The following SERPING1 variants were observed in gnomAD, a reference collection of about 807,000 sequenced individuals.
SERPING1 encodes the protein plasma protease C1 inhibitor.
Under a neutral mutation model 34.1 loss-of-function variants are expected in SERPING1, and 5 were observed. The observed-to-expected ratio is 0.15, with a 90% confidence interval of 0.08 to 0.31. The LOEUF (loss-of-function observed/expected upper bound fraction) is 0.31, where lower values mean the gene tolerates loss of function less well. SERPING1 is among the 10% of genes least tolerant of loss of function. The probability of loss-of-function intolerance (pLI) is 1.00; values close to 1 mark genes in which losing one functional copy is unlikely to be tolerated. For synonymous variants in SERPING1, 225 were observed against 242.4 expected (o/e 0.93, Z 0.67); for missense variants, 505 against 609.5 (o/e 0.83, Z 1.81).
chr11:57,613,157 A>G (rs1187053202), intron 7 of SERPING1, among the ~76,000 whole-genome samples: 1 of 152,200 alleles, frequency 6.6e-6, no homozygotes, highest in Non-Finnish European at 1.5e-5. Context: ...TCTGTATAGG[A>G]AGAAAACCTC....
At chr11:57,603,976 CCT>C (rs1417889375) in intron 4 of SERPING1, among the ~76,000 whole-genome samples, 1 of 151,778 alleles carries the variant, frequency 6.6e-6, no homozygotes, top group Non-Finnish European at 1.5e-5. Context: ...ACCAGGAAAC[CCT>C]GTCTCTGTTA....
rs199535027 is a variant in SERPING1 at position 57,605,969 on chromosome 11, G to A, written c.686-41G>A. 5.1e-6 allele frequency: 8 copies of A among 1,557,504 alleles called. No individual in the cohort carries two copies. The East Asian group carries it at 6.7e-5, about 13-fold the overall frequency. On this transcript the variant is annotated intron_variant, in intron 4 of 7. Transcript: ENST00000278407. ...AAATCGTGCTCATGGAAAGAACGACGTGTTCAGGACTCATGCCTCCCTTTC... is the reference window on the plus strand; with the variant it reads ...AAATCGTGCTCATGGAAAGAACGACATGTTCAGGACTCATGCCTCCCTTTC...
At chr11:57,607,678 G>A (rs750759482) in intron 6 of SERPING1, among the ~76,000 whole-genome samples, 12 of 151,890 alleles carry the variant, frequency 7.9e-5, no homozygotes, top group Non-Finnish European at 1.2e-4. Context: ...GGTTTTTTTC[G>A]AGACAGGGTC....
rs922149386 is a variant in SERPING1 at position 57,614,558 on chromosome 11, C to T, written c.1480C>T (p.Arg494Ter). Reference sequence around the variant, plus strand: ...GCACAAGTTCCCTGTCTTCATGGGGCGAGTATATGACCCCAGGGCCTGAGA... The same window carrying T: ...GCACAAGTTCCCTGTCTTCATGGGGTGAGTATATGACCCCAGGGCCTGAGA... ...QQHKFPVFMG[R>*]VYDPRA The change falls in exon 8 of 8, where the codon CGA becomes TGA. Residue 494 changes from arginine to a stop codon, truncating the protein, a stop_gained. Transcript: ENST00000278407. LOFTEE classifies it high-confidence loss of function. The T allele has an allele frequency of 6.2e-7, 1 of 1,613,940 alleles. No homozygotes were observed. The highest frequency in any genetic ancestry group is 8.5e-7 in the Non-Finnish European group (1 of 1,180,002).
chr11:57,607,845 A>T (rs1325740239), intron 6 of SERPING1, among the ~76,000 whole-genome samples: 2 of 152,180 alleles, frequency 1.3e-5, no homozygotes, highest in Non-Finnish European at 2.9e-5. Context: ...TTTTTAGTAG[A>T]GACGGGGTTT....
Position 57,599,984 on chromosome 11 carries a change from A to C in SERPING1, c.157A>C (p.Met53Leu). 6.2e-7 allele frequency: 1 copy of C among 1,614,166 alleles called. No individual in the cohort carries two copies. The highest frequency in any genetic ancestry group is 8.5e-7 in the Non-Finnish European group (1 of 1,180,030). Residue 53 changes from methionine to leucine, a missense_variant, in exon 3 of 8, where the codon ATG (methionine) becomes CTG (leucine). Physicochemically the swap from Met to Leu is conservative, Grantham distance 15. Transcript: ENST00000278407. ...GKVATTVISKMLFVEPILEVS... is the reference protein window; with the variant it reads ...GKVATTVISKLLFVEPILEVS... ...GGTCGCAACAACAGTTATCTCCAAG[A>C]TGCTATTCGTTGAACCCATCCTGGA...
chr11:57,605,775 G>C (rs1945401921), intron 4 of SERPING1: 2 of 589,180 alleles, frequency 3.4e-6, no homozygotes. Context: ...TAGTCACATA[G>C]CAAGCTGAGG....
intron 6 of SERPING1, among the ~76,000 whole-genome samples, chr11:57,608,922 C>G (rs1274711178): frequency 6.6e-6 from 1 of 151,334 alleles, no homozygotes; most frequent in African/African-American, 2.4e-5. Context: ...AATGTACTAA[C>G]AAATGCAAAA....
At chr11:57,608,821 T>C (rs996486531) in intron 6 of SERPING1, among the ~76,000 whole-genome samples, 5 of 151,834 alleles carry the variant, frequency 3.3e-5, no homozygotes, top group Non-Finnish European at 5.9e-5. Context: ...CCTGAGTTTT[T>C]TTTTTTTTTT....
chr11:57,606,910 C>T, intron 6 of SERPING1: 1 of 507,642 alleles, frequency 2.0e-6, no homozygotes, highest in Admixed American at 2.4e-5. Context: ...GTACAGCATA[C>T]ATATACATGT....
chr11:57,598,848 A>G (rs1410027811), intron 2 of SERPING1, among the ~76,000 whole-genome samples: 1 of 152,072 alleles, frequency 6.6e-6, no homozygotes, highest in African/African-American at 2.4e-5. Flanking sequence ...GAGAGGTCCC[A>G]GTGGTCTGGG....
At chr11:57,603,340 G>A (rs1438066519) in intron 4 of SERPING1, among the ~76,000 whole-genome samples, 3 of 150,368 alleles carry the variant, frequency 2.0e-5, no homozygotes, top group South Asian at 2.1e-4. Flanking sequence ...TCAGGAGTTC[G>A]AGACCAGTCT....
chr11:57,601,177 G>A (rs1216594636), intron 3 of SERPING1, among the ~76,000 whole-genome samples: 1 of 151,798 alleles, frequency 6.6e-6, no homozygotes, highest in Non-Finnish European at 1.5e-5. Flanking sequence ...GAGGCGGGCA[G>A]ATCACGAGGT....
chr11:57,614,201 G>A lies in SERPING1; in HGVS notation c.1250-127G>A, dbSNP rs1322497405. 9 of 1,245,388 alleles carry A rather than the reference G, an allele frequency of 7.2e-6. No homozygotes were observed. In the Admixed American group the frequency reaches 1.4e-4, roughly 19 times the overall value. 77.1% of individuals were successfully genotyped at this position (1,245,388 alleles called of 1,614,324 possible). ...GCCAGAGGGTACAGTATGTAATCTG[G>A]CAAACAAGGGAAGAGGAAGAGAGCA... On this transcript the variant is annotated intron_variant, in intron 7 of 7. Transcript: ENST00000278407.
At chr11:57,609,511 C>T (rs1193246301) in intron 6 of SERPING1, among the ~76,000 whole-genome samples, 1 of 151,572 alleles carries the variant, frequency 6.6e-6, no homozygotes, top group Non-Finnish European at 1.5e-5. Flanking sequence ...ACCCGGGAGG[C>T]GAAGGTTGCA....
chr11:57,603,225 C>T (rs187704923), intron 4 of SERPING1, among the ~76,000 whole-genome samples: 122 of 149,308 alleles, frequency 8.2e-4, no homozygotes, highest in African/African-American at 2.1e-3. Context: ...AACAGCAAAA[C>T]TCTGTCTCAA....
chr11:57,604,176 ATATAGGGC>A (rs1265684023), intron 4 of SERPING1, among the ~76,000 whole-genome samples: 9 of 151,878 alleles, frequency 5.9e-5, no homozygotes, highest in Non-Finnish European at 1.2e-4. Flanking sequence ...ATTCATTAAT[ATATAGGGC>A]TAGAGGGCTA....
At chr11:57,608,021 A>G (rs890714708) in intron 6 of SERPING1, among the ~76,000 whole-genome samples, 8 of 152,170 alleles carry the variant, frequency 5.3e-5, no homozygotes, top group Non-Finnish European at 1.2e-4. Flanking sequence ...TTATCCACCC[A>G]TCTATCCATC....
intron 6 of SERPING1, among the ~76,000 whole-genome samples, chr11:57,609,225 C>G (rs1318381690): frequency 6.6e-6 from 1 of 151,880 alleles, no homozygotes; most frequent in East Asian, 1.9e-4. Flanking sequence ...TTACAGTGAG[C>G]CAAAATCGCG....
Sources: gnomAD v4.1 joint callset for allele counts (sites outside exome capture counted in the v4.1 genomes callset) on GRCh38, gnomAD v4.1.1 for gene constraint, MANE v1.5 for transcripts, NCBI Gene and HGNC (gene_info 2026-07-23, HGNC 2026-07-21) for gene names.